The following RBFOX1 variants were observed in gnomAD, a reference collection of about 807,000 sequenced individuals.
RBFOX1 encodes the protein RNA binding fox-1 homolog 1.
RBFOX1 carries 8 observed loss-of-function variants against 57.7 expected under a neutral mutation model. The ratio of observed to expected loss-of-function variants is 0.14; its 90% CI spans 0.08 to 0.25. The LOEUF (loss-of-function observed/expected upper bound fraction) is 0.25, where lower values mean the gene tolerates loss of function less well. RBFOX1 is among the 10% of genes least tolerant of loss of function. The pLI, the probability that RBFOX1 is intolerant of heterozygous loss-of-function variation, is 1.00. For missense variants in RBFOX1, 611 were observed against 548.5 expected, an observed-to-expected ratio of 1.11 and a Z score of -1.14; for synonymous variants, 326 against 222.4, an observed-to-expected ratio of 1.47 and a Z score of -4.15.
intron 4 of RBFOX1, among the ~76,000 whole-genome samples, chr16:7,375,985 A>G (rs1434124455): frequency 1.3e-5 from 2 of 152,236 alleles, no homozygotes; most frequent in Non-Finnish European, 2.9e-5. Flanking sequence ...CCAAACCCCT[A>G]TCCCACAAGC....
rs191119049 is a variant in RBFOX1, at chr16:6,617,162, C to A, written c.-63-37441C>A. On this transcript the variant is annotated intron_variant, in intron 2 of 15. Coordinates refer to ENST00000550418, the MANE Select transcript of RBFOX1 (RefSeq NM_018723.4). ...ACAAGGAGAGGTCCTCCATCCCTGA[C>A]TATAAGCACTTGTCCACCTTGATCT... 1.1e-4 allele frequency among the ~76,000 whole-genome samples: 17 copies of A among 152,000 alleles called. No homozygotes were observed. The East Asian group carries it at 3.2e-3, about 28-fold the overall frequency.
At chr16:6,186,828 A>T (rs2097108441) in intron 1 of RBFOX1, among the ~76,000 whole-genome samples, 1 of 152,160 alleles carries the variant, frequency 6.6e-6, no homozygotes, top group African/African-American at 2.4e-5. Flanking sequence ...TGTGGGCAGT[A>T]TTGGGCATAG....
intron 4 of RBFOX1, among the ~76,000 whole-genome samples, chr16:7,266,376 T>G (rs925361574): frequency 2.0e-5 from 3 of 152,178 alleles, no homozygotes; most frequent in Admixed American, 6.5e-5. Flanking sequence ...TTCCTCACTT[T>G]CCGCCATGAC....
intron 4 of RBFOX1, among the ~76,000 whole-genome samples, chr16:7,279,802 A>G (rs2095506594): frequency 6.6e-6 from 1 of 152,210 alleles, no homozygotes; most frequent in African/African-American, 2.4e-5. Flanking sequence ...AAATCCCACA[A>G]GGAAAGGCAA....
intron 9 of RBFOX1, among the ~76,000 whole-genome samples, chr16:7,600,075 G>A (rs1400127484): frequency 6.6e-6 from 1 of 152,098 alleles, no homozygotes; most frequent in Non-Finnish European, 1.5e-5. Context: ...TATTAAATGT[G>A]CAACCTCGTG....
At chr16:5,543,133 C>T (rs1345051607) in intron 2 of RBFOX1, among the ~76,000 whole-genome samples, 2 of 152,162 alleles carry the variant, frequency 1.3e-5, no homozygotes, top group Non-Finnish European at 2.9e-5. Context: ...TTTCAAGTAA[C>T]TTAACTGTAT....
chr16:6,608,747 G>A (rs542398182), intron 2 of RBFOX1, among the ~76,000 whole-genome samples: 7 of 152,346 alleles, frequency 4.6e-5, no homozygotes, highest in African/African-American at 1.7e-4. Context: ...ATTCTAACCT[G>A]TGCATCAGAG....
chr16:7,473,418 A>G (rs2061967480), intron 4 of RBFOX1, among the ~76,000 whole-genome samples: 1 of 148,116 alleles, frequency 6.8e-6, no homozygotes, highest in South Asian at 2.1e-4. Flanking sequence ...AATGTTATAT[A>G]TACATAGTAT....
At chr16:6,980,290 A>G (rs976509345) in intron 3 of RBFOX1, among the ~76,000 whole-genome samples, 1 of 152,188 alleles carries the variant, frequency 6.6e-6, no homozygotes, top group African/African-American at 2.4e-5. Flanking sequence ...CGTTTATGAT[A>G]TGAACAATAG....
chr16:7,148,645 T>C (rs1225376488), intron 4 of RBFOX1, among the ~76,000 whole-genome samples: 1 of 152,196 alleles, frequency 6.6e-6, no homozygotes, highest in East Asian at 1.9e-4. Context: ...ATTCCAGTTG[T>C]GTAGTTTAAA....
chr16:6,974,805 A>C (rs2086443661), intron 3 of RBFOX1, among the ~76,000 whole-genome samples: 1 of 152,148 alleles, frequency 6.6e-6, no homozygotes, highest in South Asian at 2.1e-4. Flanking sequence ...GAAGTTTGCC[A>C]GTCACTCCCT....
At chr16:7,129,609 G>T (rs1200942555) in intron 4 of RBFOX1, among the ~76,000 whole-genome samples, 1 of 152,086 alleles carries the variant, frequency 6.6e-6, no homozygotes, top group Non-Finnish European at 1.5e-5. Context: ...TTAAGTGTAT[G>T]CATCTGATTG....
intron 2 of RBFOX1, among the ~76,000 whole-genome samples, chr16:5,497,359 G>A (rs2043034538): frequency 6.6e-6 from 1 of 151,666 alleles, no homozygotes; most frequent in Non-Finnish European, 1.5e-5. Flanking sequence ...AGCATTCAAG[G>A]CCTCACACAA....
At chr16:6,536,448 G>C (rs1243770754) in intron 2 of RBFOX1, among the ~76,000 whole-genome samples, 1 of 152,210 alleles carries the variant, frequency 6.6e-6, no homozygotes, top group Non-Finnish European at 1.5e-5. Flanking sequence ...TGCATAATAT[G>C]ATATGGGACA....
intron 10 of RBFOX1, among the ~76,000 whole-genome samples, chr16:7,621,201 C>T (rs1010128762): frequency 5.9e-5 from 9 of 152,142 alleles, no homozygotes; most frequent in Admixed American, 3.9e-4. Flanking sequence ...AACTTATTTT[C>T]ATTGTTTTTG....
At chr16:6,841,370 A>G (rs1270261348) in intron 3 of RBFOX1, among the ~76,000 whole-genome samples, 2 of 152,166 alleles carry the variant, frequency 1.3e-5, no homozygotes, top group African/African-American at 4.8e-5. Flanking sequence ...TAAAGTTGAA[A>G]TAGCCTCACT....
chr16:5,871,990 C>A (rs1040290031), intron 4 of RBFOX1, among the ~76,000 whole-genome samples: 3 of 152,136 alleles, frequency 2.0e-5, no homozygotes, highest in African/African-American at 7.2e-5. Flanking sequence ...CTCCCTCCTA[C>A]CATTATTTTT....
chr16:5,835,084 G>A (rs1289379965), intron 3 of RBFOX1, among the ~76,000 whole-genome samples: 1 of 152,162 alleles, frequency 6.6e-6, no homozygotes, highest in African/African-American at 2.4e-5. Flanking sequence ...AAGGAGGTGG[G>A]ATGGCTCAAC....
In RBFOX1 at chr16:5,409,214, G is replaced by A. The variant is rs897655776; in HGVS notation, c.220-58002G>A. On this transcript the variant is annotated intron_variant, in intron 1 of 2. Transcript: ENST00000585867. ...CAGGTCTATTTAAATGGCCACAGACGATCAGAAGGCGATGGCTTGGCCTTC... is the reference window on the plus strand; with the variant it reads ...CAGGTCTATTTAAATGGCCACAGACAATCAGAAGGCGATGGCTTGGCCTTC... Among the ~76,000 whole-genome samples the A allele has an allele frequency of 4.6e-5, 7 of 152,200 alleles. No individual in the cohort carries two copies. In the East Asian group the frequency reaches 5.8e-4, roughly 13 times the overall value.
Sources: allele counts gnomAD v4.1 joint callset (sites outside exome capture counted in the v4.1 genomes callset), GRCh38; gene constraint gnomAD v4.1.1; transcripts MANE v1.5; gene names NCBI Gene and HGNC (gene_info 2026-07-23, HGNC 2026-07-21).